The following SSPN variants were observed in gnomAD, a reference collection of about 807,000 sequenced individuals.
The protein encoded by SSPN is K-ras oncogene-associated protein.
Under a neutral mutation model 19.1 loss-of-function variants are expected in SSPN, and 15 were observed. The observed-to-expected ratio is 0.78, with a 90% CI of 0.52 to 1.21. SSPN has a LOEUF of 1.21. Ranked by LOEUF, SSPN falls within the 50% of genes most tolerant of loss-of-function variation. The probability of loss-of-function intolerance (pLI) is 0.00; values close to 1 mark genes in which losing one functional copy is unlikely to be tolerated. For missense variants in SSPN, 291 were observed against 314.0 expected, an observed-to-expected ratio of 0.93 and a Z score of 0.55; for synonymous variants, 147 against 140.3, an observed-to-expected ratio of 1.05 and a Z score of -0.34.
chr12:26,123,231 C>T (rs768898167), intron 1 of SSPN: 1 of 1,505,254 alleles, frequency 6.6e-7, no homozygotes, highest in Non-Finnish European at 8.9e-7. Flanking sequence ...AACATACCCA[C>T]GTTAAAACAT....
chr12:26,217,291 G>A (rs1390140202), intron 1 of SSPN, among the ~76,000 whole-genome samples: 14 of 142,970 alleles, frequency 9.8e-5, no homozygotes, highest in South Asian at 7.2e-4. Flanking sequence ...GGTCCTTCAC[G>A]TCCCTTATAA....
At chr12:26,126,095 G>A (rs1944362112) in intron 1 of SSPN, 1 of 152,224 alleles carries the variant, frequency 6.6e-6, no homozygotes, top group Non-Finnish European at 1.5e-5. Flanking sequence ...ATCACTGCTC[G>A]GGGAACCCGT....
chr12:26,190,199 G>C (rs1299498223), intron 1 of SSPN, among the ~76,000 whole-genome samples: 1 of 152,172 alleles, frequency 6.6e-6, no homozygotes, highest in Admixed American at 6.5e-5. Flanking sequence ...ATGTGGGCTG[G>C]ACTTTGTGAC....
At chr12:26,137,602 A>G (rs1023594469) in intron 1 of SSPN, among the ~76,000 whole-genome samples, 8 of 143,874 alleles carry the variant, frequency 5.6e-5, no homozygotes, top group Non-Finnish European at 1.2e-4. Flanking sequence ...ATATATATAT[A>G]CACATATACA....
intron 1 of SSPN, among the ~76,000 whole-genome samples, chr12:26,221,466 T>C (rs1190101125): frequency 2.6e-5 from 4 of 152,202 alleles, no homozygotes; most frequent in African/African-American, 9.6e-5. Context: ...GATCATACAA[T>C]AACACAGGGC....
chr12:26,142,239 G>C (rs902743254), intron 1 of SSPN, among the ~76,000 whole-genome samples: 1 of 152,178 alleles, frequency 6.6e-6, no homozygotes, highest in African/African-American at 2.4e-5. Flanking sequence ...TTGCATCGTA[G>C]AAAATGTATT....
chr12:26,122,650 TGCCGCCGCC>T (rs772978905), intron 1 of SSPN: 4 of 1,346,580 alleles, frequency 3.0e-6, no homozygotes, highest in East Asian at 2.9e-5. Flanking sequence ...CCGCCGCCGC[TGCCGCCGCC>T]GCGGGAATCC....
chr12:26,232,414 AG>A lies in SSPN; in HGVS notation c.*1340del. The A allele has an allele frequency of 1.0e-6, 1 of 985,414 alleles. No individual in the cohort carries two copies. Among genetic ancestry groups the A allele is most frequent in the Non-Finnish European group, 1.2e-6 (1 of 829,916 alleles). 61.0% of individuals were successfully genotyped at this position (985,414 alleles called of 1,614,324 possible). ...AATTCTGAACTGTATCCATATTTTAAGGAAGGAGCTAAAAATGGAAATTCAT... is the reference window on the plus strand; with the variant it reads ...AATTCTGAACTGTATCCATATTTTAAGAAGGAGCTAAAAATGGAAATTCAT... On this transcript the variant is annotated 3_prime_UTR_variant, in exon 3 of 3. Coordinates refer to ENST00000242729, the MANE Select transcript of SSPN (RefSeq NM_005086.5).
At chr12:26,219,140 C>G (rs1945091633) in intron 1 of SSPN, among the ~76,000 whole-genome samples, 1 of 152,000 alleles carries the variant, frequency 6.6e-6, no homozygotes, top group South Asian at 2.1e-4. Flanking sequence ...GTTGTATTCC[C>G]CAGACAACCC....
intron 1 of SSPN, chr12:26,124,255 C>CG: frequency 2.0e-6 from 1 of 502,620 alleles, no homozygotes. Flanking sequence ...CCTCGTCTGC[C>CG]CCCCCCGCCC....
intron 1 of SSPN, among the ~76,000 whole-genome samples, chr12:26,213,244 A>C (rs1029372173): frequency 1.3e-5 from 2 of 151,166 alleles, no homozygotes; most frequent in African/African-American, 4.9e-5. Context: ...TGGGTAGTAG[A>C]TTATATATAG....
chr12:26,219,789 C>T (rs920347379), intron 1 of SSPN, among the ~76,000 whole-genome samples: 1 of 152,234 alleles, frequency 6.6e-6, no homozygotes, highest in African/African-American at 2.4e-5. Flanking sequence ...TGTTGCCTCT[C>T]AGCACTAGCC....
intron 1 of SSPN, among the ~76,000 whole-genome samples, chr12:26,213,827 T>C (rs1945018125): frequency 6.6e-6 from 1 of 152,180 alleles, no homozygotes; most frequent in Admixed American, 6.5e-5. Flanking sequence ...ATAGCTCTTC[T>C]CAACAGCTGA....
At chr12:26,205,673 AG>A (rs1311856951) in intron 1 of SSPN, among the ~76,000 whole-genome samples, 1 of 152,204 alleles carries the variant, frequency 6.6e-6, no homozygotes, top group African/African-American at 2.4e-5. Flanking sequence ...TGCCTACCTC[AG>A]GAAGATAGTG....
At chr12:26,132,969 G>A (rs1003383292) in intron 1 of SSPN, among the ~76,000 whole-genome samples, 3 of 152,172 alleles carry the variant, frequency 2.0e-5, no homozygotes, top group Non-Finnish European at 4.4e-5. Flanking sequence ...TTCTTTTAGG[G>A]GGAGATTAGG....
chr12:26,125,023 T>C (rs1427116960), intron 1 of SSPN: 9 of 589,724 alleles, frequency 1.5e-5, no homozygotes, highest in African/African-American at 1.3e-4. Context: ...TTGCTCTCAC[T>C]CCAGGCAGTG....
intron 1 of SSPN, among the ~76,000 whole-genome samples, chr12:26,162,269 T>C (rs753950519): frequency 3.9e-5 from 6 of 152,228 alleles, no homozygotes; most frequent in Non-Finnish European, 7.3e-5. Context: ...GATTCACCTA[T>C]GCAGTTAAAC....
chr12:26,224,203 G>A, intron 1 of SSPN, 90 bp from the exon 2 acceptor site: 1 of 875,172 alleles, frequency 1.1e-6, no homozygotes, highest in Admixed American at 1.9e-5. Context: ...TTATAACATG[G>A]ATGTGACTGC....
intron 1 of SSPN, among the ~76,000 whole-genome samples, chr12:26,190,151 T>G (rs1217686165): frequency 2.6e-5 from 4 of 152,370 alleles, no homozygotes; most frequent in African/African-American, 9.6e-5. Context: ...TATTTTGGTA[T>G]GCTTCCTTTC....
Sources: allele counts gnomAD v4.1 joint callset (sites outside exome capture counted in the v4.1 genomes callset), GRCh38; gene constraint gnomAD v4.1.1; transcripts MANE v1.5; gene names NCBI Gene and HGNC (gene_info 2026-07-23, HGNC 2026-07-21).